AGPAT3: variants seen among roughly 807,000 people sequenced by gnomAD.
AGPAT3 encodes 1-acylglycerol-3-phosphate O-acyltransferase 3.
A neutral mutation model predicts 47.3 loss-of-function variants in AGPAT3; 5 were observed. The ratio of observed to expected loss-of-function variants is 0.11; its 90% CI spans 0.06 to 0.22. AGPAT3 has a LOEUF of 0.22. Among genes scored for constraint, AGPAT3 ranks in the 10% least tolerant of loss-of-function variants. AGPAT3 has a pLI of 1.00. For missense variants in AGPAT3, 315 were observed against 493.0 expected (o/e 0.64, Z 3.42); for synonymous variants, 212 against 208.3 (o/e 1.02, Z -0.15).
At chr21:43,929,492 TTTG>T (rs1242763357) in intron 2 of AGPAT3, among the ~76,000 whole-genome samples, 2 of 152,186 alleles carry the variant, frequency 1.3e-5, no homozygotes, top group Non-Finnish European at 2.9e-5. Context: ...TGTGTCCTTA[TTTG>T]TTTATTGAAA....
At chr21:43,869,115 T>G (rs767074998) in intron 1 of AGPAT3, among the ~76,000 whole-genome samples, 3 of 152,226 alleles carry the variant, frequency 2.0e-5, no homozygotes, top group Non-Finnish European at 4.4e-5. Flanking sequence ...AATCTCCATC[T>G]GAATTGATAG....
chr21:43,958,565 G>A (rs940700302), intron 2 of AGPAT3, among the ~76,000 whole-genome samples: 1 of 151,518 alleles, frequency 6.6e-6, no homozygotes, highest in Non-Finnish European at 1.5e-5. Flanking sequence ...TGTGGTGCGT[G>A]TGGCGTGTGT....
chr21:43,963,871 C>G (rs534537218), intron 3 of AGPAT3, among the ~76,000 whole-genome samples: 2 of 152,164 alleles, frequency 1.3e-5, no homozygotes, highest in South Asian at 2.1e-4. Context: ...TGGAAAATCA[C>G]CAACCTAGCA....
chr21:43,921,729 C>T (rs1452331095), intron 2 of AGPAT3, among the ~76,000 whole-genome samples: 3 of 152,078 alleles, frequency 2.0e-5, no homozygotes, highest in Non-Finnish European at 2.9e-5. Context: ...AATCAAAAGC[C>T]GGGGTTGGTG....
intron 8 of AGPAT3, among the ~76,000 whole-genome samples, chr21:43,978,911 C>T (rs2089726925): frequency 6.6e-6 from 1 of 152,166 alleles, no homozygotes; most frequent in African/African-American, 2.4e-5. Flanking sequence ...CATTCGATTT[C>T]CACTGTCGGC....
At chr21:43,973,688 T>C (rs1024404243) in intron 7 of AGPAT3, among the ~76,000 whole-genome samples, 4 of 152,238 alleles carry the variant, frequency 2.6e-5, no homozygotes, top group African/African-American at 7.2e-5. Flanking sequence ...ACCGCTTCGC[T>C]GTTTGAGGAG....
chr21:43,894,342 T>TA lies in AGPAT3; in HGVS notation c.-111-9615_-111-9614insA, dbSNP rs1455891593. On this transcript the variant is annotated intron_variant, in intron 1 of 9. Transcript: ENST00000291572. ...GCATGATCATTTTTTTGGTGGTGGA[T>TA]GTTTGACTTTTGTTTCAGTTTTGTA... Among the ~76,000 whole-genome samples the TA allele has an allele frequency of 5.3e-5, 8 of 152,080 alleles. No homozygotes were observed. In the East Asian group the frequency reaches 1.5e-3, roughly 29 times the overall value.
At chr21:43,944,045 G>C (rs2087770822) in intron 2 of AGPAT3, among the ~76,000 whole-genome samples, 1 of 152,196 alleles carries the variant, frequency 6.6e-6, no homozygotes, top group Admixed American at 6.5e-5. Flanking sequence ...GGCCCCCTCA[G>C]GACAGCAGCA....
chr21:43,892,571 C>T (rs2086125047), intron 1 of AGPAT3, among the ~76,000 whole-genome samples: 1 of 152,234 alleles, frequency 6.6e-6, no homozygotes, highest in Non-Finnish European at 1.5e-5. Flanking sequence ...GTTATTCCAT[C>T]TCTAGAGCAC....
At chr21:43,893,821 C>T (rs1486585082) in intron 1 of AGPAT3, among the ~76,000 whole-genome samples, 1 of 152,198 alleles carries the variant, frequency 6.6e-6, no homozygotes, top group Non-Finnish European at 1.5e-5. Flanking sequence ...GCCCGGTTCA[C>T]AGCACTGAAA....
At chr21:43,977,640 G>A (rs2146893348) in intron 7 of AGPAT3, among the ~76,000 whole-genome samples, 1 of 152,342 alleles carries the variant, frequency 6.6e-6, no homozygotes, top group Admixed American at 6.5e-5. Flanking sequence ...CACTTTGGGA[G>A]GCTGAGGCGG....
chr21:43,977,542 G>A (rs1005859159), intron 7 of AGPAT3, among the ~76,000 whole-genome samples: 3 of 152,196 alleles, frequency 2.0e-5, no homozygotes, highest in East Asian at 1.9e-4. Flanking sequence ...TACTCAGGGC[G>A]GATGCCTGAG....
chr21:43,946,063 G>A (rs893852727), intron 2 of AGPAT3, among the ~76,000 whole-genome samples: 3 of 152,124 alleles, frequency 2.0e-5, no homozygotes, highest in South Asian at 2.1e-4. Context: ...TCTTACCAAC[G>A]ATGCCCCGTG....
intron 4 of AGPAT3, 58 bp downstream of exon 4, chr21:43,968,173 G>T: frequency 6.3e-7 from 1 of 1,593,228 alleles, no homozygotes; most frequent in South Asian, 1.1e-5. Context: ...GGAGGGCCGG[G>T]GGTGAGCGGG....
chr21:43,984,913 T>C lies in AGPAT3; in HGVS notation c.*2521T>C. 1 of 354,650 alleles carries C rather than the reference T, an allele frequency of 2.8e-6. No homozygotes were observed. Among genetic ancestry groups the C allele is most frequent in the Non-Finnish European group, 5.6e-6 (1 of 177,376 alleles). The allele number at this position is 354,650 out of a possible 1,614,324, so 22.0% of individuals were successfully genotyped here. A position where few individuals can be genotyped will look rare whatever the true frequency, so the allele number is the denominator to read the frequency against. ...GTAGCCCACAGTCCGTGCTGGCCACTGTCGGGGTGAGGCACATTCTAGGCC... is the reference window on the plus strand; with the variant it reads ...GTAGCCCACAGTCCGTGCTGGCCACCGTCGGGGTGAGGCACATTCTAGGCC... On this transcript the variant is annotated 3_prime_UTR_variant, in exon 10 of 10. Transcript: ENST00000291572.
chr21:43,958,627 C>T (rs1331950873), intron 2 of AGPAT3, among the ~76,000 whole-genome samples: 5 of 121,988 alleles, frequency 4.1e-5, no homozygotes, highest in African/African-American at 6.7e-5. Context: ...GTGTATGTGG[C>T]GTGTATGTGG....
chr21:43,898,912 C>T (rs532406788), intron 1 of AGPAT3, among the ~76,000 whole-genome samples: 6 of 151,088 alleles, frequency 4.0e-5, no homozygotes, highest in Middle Eastern at 3.4e-3. Context: ...TACAGGGTTT[C>T]ACCATGTTGT....
chr21:43,915,038 G>C (rs1008393814), intron 2 of AGPAT3, among the ~76,000 whole-genome samples: 1 of 151,960 alleles, frequency 6.6e-6, no homozygotes, highest in African/African-American at 2.4e-5. Context: ...TTTAAAAAAT[G>C]TATTTTATTT....
intron 2 of AGPAT3, among the ~76,000 whole-genome samples, chr21:43,935,106 C>T (rs1313774601): frequency 6.6e-6 from 1 of 152,250 alleles, no homozygotes; most frequent in South Asian, 2.1e-4. Context: ...GGCTTCTCAC[C>T]TGAGAGCGTG....
Sources: allele counts gnomAD v4.1 joint callset (sites outside exome capture counted in the v4.1 genomes callset), GRCh38; gene constraint gnomAD v4.1.1; transcripts MANE v1.5; gene names NCBI Gene and HGNC (gene_info 2026-07-23, HGNC 2026-07-21).